KIRREL1: variants seen among roughly 807,000 people sequenced by gnomAD.
KIRREL1 encodes the protein kin of IRRE-like protein 1.
Under a neutral mutation model 83.3 loss-of-function variants are expected in KIRREL1, and 25 were observed. The observed-to-expected ratio is 0.30, with a 90% confidence interval of 0.22 to 0.42. The LOEUF (loss-of-function observed/expected upper bound fraction) is 0.42. Ranked by LOEUF, KIRREL1 falls within the 10% of genes least tolerant of loss-of-function variation. The pLI is 1.00. For synonymous variants in KIRREL1, 388 were observed against 410.4 expected (o/e 0.95, Z 0.66); for missense variants, 812 against 1,032.3 (o/e 0.79, Z 2.92).
chr1:158,043,064 G>T (rs562074891), intron 1 of KIRREL1, among the ~76,000 whole-genome samples: 2 of 149,482 alleles, frequency 1.3e-5, no homozygotes, highest in South Asian at 4.4e-4. Flanking sequence ...CTCCAGCCTG[G>T]GCAACAGAGC....
rs557155597 is a variant in KIRREL1 at position 158,032,928 on chromosome 1, A to T, written c.52+39200A>T. Among the ~76,000 whole-genome samples, 5 of 152,112 alleles carry T rather than the reference A, an allele frequency of 3.3e-5. No homozygotes were observed. The South Asian group carries it at 8.3e-4, about 25-fold the overall frequency. On this transcript the variant is annotated intron_variant, in intron 1 of 14. Coordinates refer to ENST00000359209, the MANE Select transcript of KIRREL1 (RefSeq NM_018240.7). ...TGAGACCACAGGCATGTGCCACCAC[A>T]ACTGGCTAATTTTTGTATTTTTAGT...
chr1:158,067,914 C>T (rs907375465), intron 1 of KIRREL1, among the ~76,000 whole-genome samples: 2 of 152,206 alleles, frequency 1.3e-5, no homozygotes, highest in African/African-American at 4.8e-5. Flanking sequence ...CAGGCCAGAC[C>T]ATGGTCACTT....
At chr1:158,049,992 G>A (rs1558003130) in intron 1 of KIRREL1, among the ~76,000 whole-genome samples, 1 of 152,172 alleles carries the variant, frequency 6.6e-6, no homozygotes, top group Non-Finnish European at 1.5e-5. Context: ...TCAAGTGATG[G>A]TGAGCAATTC....
At chr1:158,011,753 G>T (rs779115631) in intron 1 of KIRREL1, among the ~76,000 whole-genome samples, 1 of 152,204 alleles carries the variant, frequency 6.6e-6, no homozygotes, top group African/African-American at 2.4e-5. Context: ...GAGGTGATTG[G>T]TGGGAGGACC....
chr1:158,016,036 C>T (rs1190360677), intron 1 of KIRREL1, among the ~76,000 whole-genome samples: 5 of 152,074 alleles, frequency 3.3e-5, no homozygotes, highest in South Asian at 4.2e-4. Context: ...CTGGGTGCGG[C>T]GGCTCAAGCC....
rs1190269344 is a variant in KIRREL1, at chr1:158,011,243, CA to C, written c.52+17517del. Reference sequence around the variant, plus strand: ...TTCAAGCACTGACCTTTCAGTTTTCCAACCGGATTGCAAGTTCCCCAAGGCC... The same window carrying C: ...TTCAAGCACTGACCTTTCAGTTTTCCACCGGATTGCAAGTTCCCCAAGGCC... On this transcript the variant is annotated intron_variant, in intron 1 of 14. Transcript: ENST00000359209. 5.3e-5 allele frequency among the ~76,000 whole-genome samples: 8 copies of C among 152,302 alleles called. No individual in the cohort carries two copies. In the East Asian group the frequency reaches 1.4e-3, roughly 26 times the overall value.
chr1:158,086,515 C>G (rs1006179927), intron 4 of KIRREL1, 81 bp from the exon 5 acceptor site: 1 of 1,437,514 alleles, frequency 7.0e-7, no homozygotes, highest in Non-Finnish European at 9.4e-7. Context: ...CAGCCCAAGC[C>G]CATCTCTGAG....
chr1:158,022,652 C>G (rs1660030440), intron 1 of KIRREL1, among the ~76,000 whole-genome samples: 1 of 152,232 alleles, frequency 6.6e-6, no homozygotes, highest in Non-Finnish European at 1.5e-5. Context: ...TGTCCCAGAT[C>G]CTTTGCCAGC....
At chr1:158,031,638 G>A (rs1235028290) in intron 1 of KIRREL1, among the ~76,000 whole-genome samples, 1 of 152,252 alleles carries the variant, frequency 6.6e-6, no homozygotes, top group African/African-American at 2.4e-5. Context: ...ACTTCTGGAA[G>A]CATTCTGTGC....
chr1:158,068,808 G>A (rs34536198), intron 1 of KIRREL1, among the ~76,000 whole-genome samples: 33,815 of 152,050 alleles, frequency 0.22, 4,103 homozygotes, highest in Non-Finnish European at 0.27. Context: ...TGGGGTTGGG[G>A]GGAAAAGAGT....
chr1:158,063,221 G>C (rs955292190), intron 1 of KIRREL1, among the ~76,000 whole-genome samples: 1 of 152,232 alleles, frequency 6.6e-6, no homozygotes, highest in East Asian at 1.9e-4. Context: ...TATAGTAAGG[G>C]CCCAGAGCTA....
At chr1:158,063,540 CT>C (rs1295914646) in intron 1 of KIRREL1, among the ~76,000 whole-genome samples, 1 of 152,180 alleles carries the variant, frequency 6.6e-6, no homozygotes, top group Non-Finnish European at 1.5e-5. Context: ...ATTTGTCTCC[CT>C]TGATAGAATG....
intron 1 of KIRREL1, among the ~76,000 whole-genome samples, chr1:158,035,723 G>A (rs1660457866): frequency 6.6e-6 from 1 of 152,116 alleles, no homozygotes; most frequent in Non-Finnish European, 1.5e-5. Context: ...ATCTGTCGGG[G>A]CTTTAAAGAA....
chr1:158,086,363 T>G (rs771650988), intron 4 of KIRREL1, among the ~76,000 whole-genome samples: 1 of 151,834 alleles, frequency 6.6e-6, no homozygotes, highest in African/African-American at 2.4e-5. Flanking sequence ...CTGGGCAACA[T>G]AGCAAGACCC....
chr1:158,014,183 G>A (rs1247381824), intron 1 of KIRREL1, among the ~76,000 whole-genome samples: 3 of 151,920 alleles, frequency 2.0e-5, no homozygotes, highest in Non-Finnish European at 4.4e-5. Context: ...GGAAGGGGGA[G>A]ATGAGAGAGA....
rs566432300 is a variant in KIRREL1, at chr1:158,066,472, A to G, written c.53-9641A>G. Among the ~76,000 whole-genome samples, 6 of 152,280 alleles carry G rather than the reference A, an allele frequency of 3.9e-5. No individual in the cohort carries two copies. In the East Asian group the frequency reaches 7.7e-4, roughly 20 times the overall value. ...TCTCCTTTGCTCTCTATTTCTGCCT[A>G]TGACTCTTTCTTGTCATCTTTTTTC... On this transcript the variant is annotated intron_variant, in intron 1 of 14. Transcript: ENST00000359209.
chr1:158,089,112 T>C (rs1165294555), intron 8 of KIRREL1, among the ~76,000 whole-genome samples: 3 of 152,114 alleles, frequency 2.0e-5, no homozygotes, highest in African/African-American at 7.2e-5. Flanking sequence ...GGCTGGAGTC[T>C]ACAGCTCTGC....
intron 3 of KIRREL1, among the ~76,000 whole-genome samples, chr1:158,083,985 C>T (rs1464766832): frequency 1.3e-5 from 2 of 152,126 alleles, no homozygotes; most frequent in African/African-American, 4.8e-5. Flanking sequence ...CAAAAATTAG[C>T]TGGGAGCAGT....
intron 1 of KIRREL1, among the ~76,000 whole-genome samples, chr1:158,052,316 C>A (rs944230622): frequency 1.3e-5 from 2 of 152,286 alleles, no homozygotes; most frequent in African/African-American, 4.8e-5. Context: ...ACCCAACATT[C>A]CCCTTACCTG....
Sources: allele counts gnomAD v4.1 joint callset (sites outside exome capture counted in the v4.1 genomes callset), GRCh38; gene constraint gnomAD v4.1.1; transcripts MANE v1.5; gene names NCBI Gene and HGNC (gene_info 2026-07-23, HGNC 2026-07-21).